The following DNAAF19 variants were observed in gnomAD, a reference collection of about 807,000 sequenced individuals.
DNAAF19 encodes the protein dynein axonemal assembly factor 19.
At chr17:44,904,605 ATG>A in the DNAAF19 span, 5 of 1,550,446 alleles carry the variant, frequency 3.2e-6, no homozygotes, top group Non-Finnish European at 4.4e-6. Context: ...ATCATTAACT[ATG>A]TGTCCAAAGT....
chr17:44,903,719 A>G, the DNAAF19 span: 7 of 1,445,398 alleles, frequency 4.8e-6, no homozygotes, highest in Non-Finnish European at 6.3e-6. Flanking sequence ...TCCTGGCTGC[A>G]TAATCCTTTC....
the DNAAF19 span, chr17:44,902,899 A>G: frequency 1.4e-6 from 2 of 1,438,662 alleles, no homozygotes; most frequent in East Asian, 2.5e-5. Flanking sequence ...GCAGGACCAT[A>G]ATAAGAAACC....
chr17:44,901,619 G>T, the DNAAF19 span: 1 of 1,614,192 alleles, frequency 6.2e-7, no homozygotes, highest in Non-Finnish European at 8.5e-7. Flanking sequence ...TTCAGGGAAG[G>T]ACCTTCCAGG....
chr17:44,904,773 G>A, the DNAAF19 span: 1 of 1,550,650 alleles, frequency 6.4e-7, no homozygotes, highest in Non-Finnish European at 8.7e-7. Context: ...TACCTGAAGG[G>A]TGTCAACAGG....
At chr17:44,904,844 G>T in the DNAAF19 span, 1 of 1,550,606 alleles carries the variant, frequency 6.4e-7, no homozygotes, top group South Asian at 1.2e-5. Context: ...CCAGCTGGAT[G>T]ACCGGGGCAT....
At chr17:44,905,196 C>T in the DNAAF19 span, 1 of 741,084 alleles carries the variant, frequency 1.3e-6, no homozygotes, top group African/African-American at 1.8e-5. Flanking sequence ...TCTGTTACAG[C>T]CTGCTCCCCA....
the DNAAF19 span, chr17:44,902,551 G>T: frequency 1.1e-5 from 18 of 1,614,230 alleles, no homozygotes; most frequent in Non-Finnish European, 1.4e-5. Context: ...GGCTGATCAC[G>T]TGGGGCCGGC....
At chr17:44,903,308 G>T in the DNAAF19 span, 1 of 1,245,494 alleles carries the variant, frequency 8.0e-7, no homozygotes, top group South Asian at 3.9e-5. Context: ...TTTTCCCCTA[G>T]AGACTCAGTT....
chr17:44,905,229 C>G, the DNAAF19 span: 8 of 643,988 alleles, frequency 1.2e-5, no homozygotes, highest in Non-Finnish European at 2.2e-5. Context: ...GGTCTGGGAC[C>G]TGATCTGAGA....
At chr17:44,904,368 G>A in the DNAAF19 span, 45 of 1,543,156 alleles carry the variant, frequency 2.9e-5, no homozygotes, top group Middle Eastern at 1.7e-4. Context: ...CCCTGTGACC[G>A]CTGCGGAGTG....
At chr17:44,904,550 G>C in the DNAAF19 span, 1 of 1,550,612 alleles carries the variant, frequency 6.4e-7, no homozygotes, top group Non-Finnish European at 8.7e-7. Context: ...GAGCTGCTTA[G>C]TACCCTGTGA....
chr17:44,904,902 G>C, the DNAAF19 span: 9 of 1,550,612 alleles, frequency 5.8e-6, no homozygotes, highest in Non-Finnish European at 7.8e-6. Flanking sequence ...TTCCGGCTGG[G>C]TGTGACATCT....
the DNAAF19 span, chr17:44,903,036 C>G: frequency 3.4e-5 from 48 of 1,394,474 alleles, no homozygotes; most frequent in Non-Finnish European, 4.5e-5. Flanking sequence ...GTCAAGAGCT[C>G]AGGAAGTTGA....
chr17:44,900,135 C>A, the DNAAF19 span, among the ~76,000 whole-genome samples: 1 of 152,068 alleles, frequency 6.6e-6, no homozygotes, highest in Non-Finnish European at 1.5e-5. Context: ...AATCTCTCTG[C>A]AGTGGCTCAC....
chr17:44,905,028 G>C, the DNAAF19 span: 1 of 1,549,590 alleles, frequency 6.5e-7, no homozygotes. Flanking sequence ...TTCTGTCGTT[G>C]CTGCTGCTAC....
At chr17:44,902,752 T>C in the DNAAF19 span, 6 of 1,603,692 alleles carry the variant, frequency 3.7e-6, no homozygotes, top group Non-Finnish European at 5.1e-6. Context: ...GGAGGAGCAG[T>C]CTGGTGGGCT....
At chr17:44,903,992 T>C in the DNAAF19 span, 10 of 1,550,632 alleles carry the variant, frequency 6.4e-6, no homozygotes, top group Non-Finnish European at 8.7e-6. Context: ...TCCCTGTCAC[T>C]GCAAACCCGA....
the DNAAF19 span, chr17:44,902,303 C>T: frequency 6.2e-7 from 1 of 1,604,510 alleles, no homozygotes; most frequent in South Asian, 1.1e-5. Context: ...GCTCCCCTCC[C>T]TGTCACTGTT....
At chr17:44,903,301 T>TC in the DNAAF19 span, 1 of 1,245,078 alleles carries the variant, frequency 8.0e-7, no homozygotes, top group African/African-American at 1.5e-5. Flanking sequence ...TGTTGAATTT[T>TC]CCCCTAGAGA....
Sources: allele counts gnomAD v4.1 joint callset (sites outside exome capture counted in the v4.1 genomes callset), GRCh38; gene constraint gnomAD v4.1.1; transcripts MANE v1.5; gene names NCBI Gene and HGNC (gene_info 2026-07-23, HGNC 2026-07-21).